SH3PXD2A: variants seen among roughly 807,000 people sequenced by gnomAD.
SH3PXD2A encodes SH3 and PX domains 2A.
A neutral mutation model predicts 115.2 loss-of-function variants in SH3PXD2A; 32 were observed. That is an observed-to-expected ratio of 0.28 (90% CI 0.21 to 0.37). SH3PXD2A has a LOEUF of 0.37. SH3PXD2A is among the 10% of genes least tolerant of loss of function. The probability of loss-of-function intolerance (pLI) is 1.00; values close to 1 mark genes in which losing one functional copy is unlikely to be tolerated. For synonymous variants in SH3PXD2A, 610 were observed against 629.1 expected (o/e 0.97, Z 0.45); for missense variants, 1,328 against 1,498.7 (o/e 0.89, Z 1.88).
chr10:103,653,333 T>C (rs574656050), intron 8 of SH3PXD2A, among the ~76,000 whole-genome samples: 59 of 152,188 alleles, frequency 3.9e-4, no homozygotes, highest in African/African-American at 1.4e-3. Context: ...ATTTTGGAGA[T>C]GCTCATGGGC....
chr10:103,819,838 G>C (rs573479701), intron 1 of SH3PXD2A, among the ~76,000 whole-genome samples: 45 of 152,104 alleles, frequency 3.0e-4, no homozygotes, highest in Middle Eastern at 3.4e-3. Flanking sequence ...CTAGAGGAGG[G>C]GGGGAGATGG....
chr10:103,670,791 G>C (rs1322198267), intron 6 of SH3PXD2A, among the ~76,000 whole-genome samples: 1 of 152,234 alleles, frequency 6.6e-6, no homozygotes, highest in Admixed American at 6.5e-5. Flanking sequence ...CCCTGGTAGG[G>C]CTGAGACAAG....
At position 103,656,828 on chromosome 10, in the gene SH3PXD2A, C is replaced by CAAAA. The variant is rs10692439; in HGVS notation, c.604+4151_604+4154dup. On this transcript the variant is annotated intron_variant, in intron 8 of 14. Coordinates refer to ENST00000369774, the MANE Select transcript of SH3PXD2A (RefSeq NM_001394015.1). ...GGGCAACAAGAGTGAAACTCCATCT[C>CAAAA]AAAAAAAAAAAAAAAAAATCTACAT... Among the ~76,000 whole-genome samples the CAAAA allele has an allele frequency of 5.4e-3, 599 of 111,818 alleles. 4 individuals carry two copies. The highest frequency in any genetic ancestry group is 0.019 in the African/African-American group (549 of 29,422). The allele number at this position is 111,818 out of a possible 152,430, so 73.4% of individuals were successfully genotyped here.
intron 1 of SH3PXD2A, among the ~76,000 whole-genome samples, chr10:103,851,974 G>A (rs1842901159): frequency 6.6e-6 from 1 of 152,186 alleles, no homozygotes; most frequent in South Asian, 2.1e-4. Context: ...AGAACCCGGT[G>A]GACCTGAATT....
chr10:103,708,777 A>G (rs1236951862), intron 5 of SH3PXD2A, among the ~76,000 whole-genome samples: 1 of 152,108 alleles, frequency 6.6e-6, no homozygotes, highest in East Asian at 1.9e-4. Flanking sequence ...TGGGCAGCAC[A>G]AAGTGTCCCC....
intron 1 of SH3PXD2A, among the ~76,000 whole-genome samples, chr10:103,832,330 C>T (rs935165697): frequency 2.0e-5 from 3 of 149,218 alleles, no homozygotes; most frequent in Non-Finnish European, 3.0e-5. Context: ...TCTCTACACC[C>T]TAGAATCTAA....
intron 2 of SH3PXD2A, among the ~76,000 whole-genome samples, chr10:103,796,384 TA>T (rs768901709): frequency 2.5e-4 from 35 of 142,048 alleles, no homozygotes; most frequent in Non-Finnish European, 3.2e-4. Context: ...TAAATAAAAG[TA>T]AAAAAAAAAA....
At chr10:103,610,604 A>G (rs776020650) in intron 13 of SH3PXD2A, among the ~76,000 whole-genome samples, 8 of 152,152 alleles carry the variant, frequency 5.3e-5, no homozygotes, top group Non-Finnish European at 1.0e-4. Flanking sequence ...GCCAGGGCTG[A>G]TGTCACTGAC....
intron 1 of SH3PXD2A, among the ~76,000 whole-genome samples, chr10:103,807,780 TTCGGAG>T (rs1366813658): frequency 1.3e-5 from 2 of 152,138 alleles, no homozygotes; most frequent in Non-Finnish European, 2.9e-5. Flanking sequence ...TACCCAAATC[TTCGGAG>T]TCTGGGGATG....
intron 8 of SH3PXD2A, among the ~76,000 whole-genome samples, chr10:103,654,932 C>A (rs2134033149): frequency 6.6e-6 from 1 of 151,554 alleles, no homozygotes; most frequent in African/African-American, 2.4e-5. Flanking sequence ...TCAACATAAT[C>A]TTGATCCTGG....
intron 3 of SH3PXD2A, among the ~76,000 whole-genome samples, chr10:103,760,755 G>A (rs1052413378): frequency 1.3e-5 from 2 of 151,930 alleles, no homozygotes; most frequent in African/African-American, 4.8e-5. Flanking sequence ...ATAGAGTCTT[G>A]CTCTGTTGCC....
At chr10:103,781,142 A>G (rs1489850544) in intron 2 of SH3PXD2A, among the ~76,000 whole-genome samples, 1 of 152,224 alleles carries the variant, frequency 6.6e-6, no homozygotes, top group Non-Finnish European at 1.5e-5. Context: ...AAAGCCTGTG[A>G]GCTTCTTGAA....
chr10:103,724,411 A>C, intron 4 of SH3PXD2A, 50 bp from the exon 5 acceptor site: 2 of 1,099,128 alleles, frequency 1.8e-6, no homozygotes, highest in Non-Finnish European at 2.7e-6. Context: ...ACTTGGGAAC[A>C]GGAAAACCAA....
intron 1 of SH3PXD2A, among the ~76,000 whole-genome samples, chr10:103,808,732 C>T (rs1390085480): frequency 1.3e-5 from 2 of 152,090 alleles, no homozygotes; most frequent in East Asian, 3.9e-4. Context: ...CTCAGAACAC[C>T]CAGCTTGACA....
chr10:103,677,945 A>G (rs2037560578), intron 6 of SH3PXD2A: 1 of 437,612 alleles, frequency 2.3e-6, no homozygotes, highest in African/African-American at 2.0e-5. Context: ...CCGGAACCAC[A>G]TACAGGCATA....
intron 1 of SH3PXD2A, among the ~76,000 whole-genome samples, chr10:103,803,231 G>C (rs1380059782): frequency 6.6e-6 from 1 of 152,110 alleles, no homozygotes; most frequent in Non-Finnish European, 1.5e-5. Context: ...CCCAGAGATG[G>C]GGCATTTATG....
At chr10:103,825,863 T>A (rs2039425481) in intron 1 of SH3PXD2A, among the ~76,000 whole-genome samples, 1 of 151,628 alleles carries the variant, frequency 6.6e-6, no homozygotes, top group Admixed American at 6.6e-5. Context: ...TCCCGGGTTC[T>A]CGCCATTCTC....
chr10:103,727,073 A>T (rs2038250138), intron 4 of SH3PXD2A, among the ~76,000 whole-genome samples: 1 of 152,218 alleles, frequency 6.6e-6, no homozygotes, highest in South Asian at 2.1e-4. Context: ...TGTGTGCTGC[A>T]TATGGGGCTG....
At chr10:103,698,622 G>A (rs1020184452) in intron 5 of SH3PXD2A, among the ~76,000 whole-genome samples, 3 of 151,902 alleles carry the variant, frequency 2.0e-5, no homozygotes, top group African/African-American at 7.2e-5. Context: ...GGGCTCTTGA[G>A]GTACATAATG....
Sources: gnomAD v4.1 joint callset for allele counts (sites outside exome capture counted in the v4.1 genomes callset) on GRCh38, gnomAD v4.1.1 for gene constraint, MANE v1.5 for transcripts, NCBI Gene and HGNC (gene_info 2026-07-23, HGNC 2026-07-21) for gene names.